Variants in CDKL4 observed in about 807,000 individuals in gnomAD.
CDKL4 encodes the protein cyclin-dependent kinase-like 4.
CDKL4 carries 44 observed loss-of-function variants against 42.0 expected under a neutral mutation model. That is an observed-to-expected ratio of 1.05 (90% CI 0.82 to 1.35). CDKL4 has a LOEUF of 1.35. Among genes scored for constraint, CDKL4 ranks in the 40% most tolerant of loss-of-function variants. The probability of loss-of-function intolerance (pLI) is 0.00; values close to 1 mark genes in which losing one functional copy is unlikely to be tolerated. For synonymous variants in CDKL4, 120 were observed against 121.6 expected (o/e 0.99, Z 0.09); for missense variants, 393 against 369.9 (o/e 1.06, Z -0.51).
upstream of CDKL4, among the ~76,000 whole-genome samples, chr2:39,246,881 G>A (rs1165406708): frequency 6.6e-6 from 1 of 152,068 alleles, no homozygotes; most frequent in Non-Finnish European, 1.5e-5. Context: ...CCCAGTAGCT[G>A]GGACTATAGG....
chr2:39,185,587 C>T (rs57604567), intron 7 of CDKL4, among the ~76,000 whole-genome samples: 2,352 of 150,362 alleles, frequency 0.016, 40 homozygotes, highest in African/African-American at 0.055. Context: ...CTCAGTCTCC[C>T]GAGTAGCTGG....
chr2:39,244,223 T>G (rs1364841267), upstream of CDKL4, among the ~76,000 whole-genome samples: 3 of 152,332 alleles, frequency 2.0e-5, no homozygotes, highest in East Asian at 5.8e-4. Context: ...AGCCCCTTTC[T>G]GGGCTGGCCA....
intron 8 of CDKL4, among the ~76,000 whole-genome samples, chr2:39,182,461 T>C (rs771744146): frequency 5.3e-5 from 8 of 152,198 alleles, no homozygotes; most frequent in Admixed American, 2.0e-4. Context: ...TTCTGAAGCA[T>C]TGAGATGAGC....
At chr2:39,196,739 C>G (rs1676536578) in intron 5 of CDKL4, among the ~76,000 whole-genome samples, 1 of 152,164 alleles carries the variant, frequency 6.6e-6, no homozygotes, top group Non-Finnish European at 1.5e-5. Context: ...TCCCAAGTAG[C>G]TGGGACTACA....
chr2:39,221,922 C>G (rs956686332), intron 3 of CDKL4, among the ~76,000 whole-genome samples: 1 of 152,192 alleles, frequency 6.6e-6, no homozygotes. Flanking sequence ...AACATTAACC[C>G]AATCAACATA....
chr2:39,216,324 G>A (rs1572999149), intron 3 of CDKL4, among the ~76,000 whole-genome samples: 1 of 152,170 alleles, frequency 6.6e-6, no homozygotes, highest in Admixed American at 6.6e-5. Context: ...GCCCTGAGGA[G>A]AGAAAGAACT....
intron 7 of CDKL4, 47 bp from the exon 8 acceptor site, chr2:39,184,694 ATATG>A (rs1414556183): frequency 7.7e-7 from 1 of 1,301,110 alleles, no homozygotes; most frequent in Admixed American, 1.7e-5. Flanking sequence ...GAACAAAGTA[ATATG>A]TGTGTGTATA....
chr2:39,175,859 T>A (rs1675142443), exon 10 of CDKL4: 1 of 339,900 alleles, frequency 2.9e-6, no homozygotes, highest in Admixed American at 4.4e-5. Flanking sequence ...GAATCAGCAA[T>A]GATCAGAGCA....
chr2:39,233,660 T>C (rs530297400), intron 1 of CDKL4, among the ~76,000 whole-genome samples: 39 of 151,834 alleles, frequency 2.6e-4, no homozygotes, highest in Non-Finnish European at 2.8e-4. Context: ...GCCGTCCCCA[T>C]ACATGCTATT....
At chr2:39,186,191 T>A (rs1383967773) in intron 7 of CDKL4, among the ~76,000 whole-genome samples, 1 of 152,214 alleles carries the variant, frequency 6.6e-6, no homozygotes, top group Non-Finnish European at 1.5e-5. Context: ...TTTAACCTTA[T>A]ATTACATTTG....
intron 4 of CDKL4, among the ~76,000 whole-genome samples, chr2:39,205,909 G>C (rs1397337860): frequency 6.6e-6 from 1 of 152,176 alleles, no homozygotes; most frequent in Non-Finnish European, 1.5e-5. Context: ...TTCCGCGCCA[G>C]GGGATGGGGA....
At chr2:39,172,065 C>T (rs1181749754), downstream of CDKL4, among the ~76,000 whole-genome samples, 3 of 152,098 alleles carry the variant, frequency 2.0e-5, no homozygotes, top group East Asian at 1.9e-4. Context: ...AATGCCAGCA[C>T]TTTGGGAGGC....
intron 1 of CDKL4, among the ~76,000 whole-genome samples, chr2:39,230,625 T>C (rs1055751853): frequency 1.3e-4 from 20 of 152,196 alleles, no homozygotes; most frequent in African/African-American, 4.6e-4. Context: ...GTCTAAGAAT[T>C]AAAAATAGAA....
chr2:39,191,052 G>A (rs1292390400), intron 5 of CDKL4, among the ~76,000 whole-genome samples: 1 of 152,164 alleles, frequency 6.6e-6, no homozygotes, highest in Non-Finnish European at 1.5e-5. Context: ...GGCAGAGATT[G>A]GAGTGATGCA....
At chr2:39,187,524 G>T in intron 7 of CDKL4, 103 bp downstream of exon 7, 1 of 807,196 alleles carries the variant, frequency 1.2e-6, no homozygotes, top group South Asian at 1.9e-5. Context: ...CAGCCTTGGT[G>T]ACAGAGTGAG....
At chr2:39,224,534 T>C (rs964537095) in intron 3 of CDKL4, among the ~76,000 whole-genome samples, 7 of 150,892 alleles carry the variant, frequency 4.6e-5, no homozygotes, top group African/African-American at 1.7e-4. Flanking sequence ...GACAGAGTCT[T>C]GTTCTGTCAC....
At chr2:39,214,725 TAG>T (rs1009110898) in intron 3 of CDKL4, among the ~76,000 whole-genome samples, 1 of 152,178 alleles carries the variant, frequency 6.6e-6, no homozygotes, top group African/African-American at 2.4e-5. Context: ...TTCATGGTGG[TAG>T]ACACTCAAGT....
chr2:39,187,340 T>G (rs1675882845), intron 7 of CDKL4, among the ~76,000 whole-genome samples: 1 of 152,122 alleles, frequency 6.6e-6, no homozygotes, highest in Non-Finnish European at 1.5e-5. Context: ...AATAATACAC[T>G]GTGCTAATAT....
intron 3 of CDKL4, among the ~76,000 whole-genome samples, chr2:39,219,340 C>T (rs943831624): frequency 6.6e-6 from 1 of 152,164 alleles, no homozygotes; most frequent in Admixed American, 6.6e-5. Context: ...GACGGAAGGG[C>T]AGCATCTAAT....
Sources: gnomAD v4.1 joint callset for allele counts (sites outside exome capture counted in the v4.1 genomes callset) on GRCh38, gnomAD v4.1.1 for gene constraint, MANE v1.5 for transcripts, NCBI Gene and HGNC (gene_info 2026-07-23, HGNC 2026-07-21) for gene names.